Variants in GOLGB1 observed in about 807,000 individuals in gnomAD.
GOLGB1 encodes golgin subfamily B member 1.
In GOLGB1, 174 loss-of-function variants were observed where a neutral mutation model predicts 336.9. That is an observed-to-expected ratio of 0.52 (90% CI 0.46 to 0.59). The LOEUF is 0.59. Ranked by LOEUF, GOLGB1 falls within the 20% of genes least tolerant of loss-of-function variation. The pLI, the probability that GOLGB1 is intolerant of heterozygous loss-of-function variation, is 0.00. For synonymous variants in GOLGB1, 1,208 were observed against 1,289.2 expected (o/e 0.94, Z 1.35); for missense variants, 3,331 against 3,645.3 (o/e 0.91, Z 2.22).
At chr3:121,744,092 T>C (rs1576495034) in intron 1 of GOLGB1, among the ~76,000 whole-genome samples, 1 of 152,102 alleles carries the variant, frequency 6.6e-6, no homozygotes, top group Non-Finnish European at 1.5e-5. Flanking sequence ...TTGAATATCA[T>C]AGCAAATGAG....
Position 121,697,551 on chromosome 3 carries a change from T to G in GOLGB1, c.2972A>C (p.Lys991Thr). The G allele has an allele frequency of 6.2e-7, 1 of 1,613,822 alleles. No individual in the cohort carries two copies. The highest frequency in any genetic ancestry group is 1.1e-5 in the South Asian group (1 of 91,070). The part of the protein sequence containing the change: ...ELQHEFDLLK[K>T]ENEQRKRKLQ... ...CTTTCTCTTTCTCTGCTCATTTTCT[T>G]TCTTCAGAAGGTCAAATTCATGCTG... The change falls in exon 13 of 22, where the codon AAA (lysine) becomes ACA (threonine). Residue 991 changes from lysine (K) to threonine (T), a missense_variant. Lys to Thr is a moderately conservative substitution (Grantham distance 78). Coordinates refer to ENST00000614479, the MANE Select transcript of GOLGB1 (RefSeq NM_001366282.2).
At chr3:121,677,079 C>T (rs781103755) in intron 16 of GOLGB1, 49 bp from the exon 17 acceptor site, 3 of 1,606,976 alleles carry the variant, frequency 1.9e-6, no homozygotes, top group South Asian at 2.2e-5. Context: ...ATTGCGCATG[C>T]TTAATTCCTT....
At chr3:121,729,014 C>T in intron 4 of GOLGB1, 174 bp downstream of exon 4, 2 of 432,150 alleles carry the variant, frequency 4.6e-6, no homozygotes, top group Non-Finnish European at 8.2e-6. Flanking sequence ...TTTCATTCTC[C>T]CTGTGTGTGG....
At position 121,669,288 on chromosome 3, in the gene GOLGB1, C is replaced by A; in HGVS notation, c.9245G>T (p.Arg3082Leu). 4 of 1,613,878 alleles carry A rather than the reference C, an allele frequency of 2.5e-6. No individual in the cohort carries two copies. The highest frequency in any genetic ancestry group is 3.4e-6 in the Non-Finnish European group (4 of 1,179,758). Residue 3082 changes from arginine to leucine, a missense_variant, in exon 18 of 22, where the codon CGT becomes CTT. By Grantham distance (102) the Arg-to-Leu change is moderately radical. Coordinates refer to ENST00000614479, the MANE Select transcript of GOLGB1 (RefSeq NM_001366282.2). The stretch of plus-strand genomic sequence containing the variant: ...GTCACCATAGTGCTGCTGGTTCTCA[C>A]GAAGACTCTGACTGGTATCGCAGAG... ...IQLCDTSQSLRENQQHYGDLL... is the reference protein window; with the variant it reads ...IQLCDTSQSLLENQQHYGDLL...
chr3:121,703,114 G>T (rs1397921385), intron 10 of GOLGB1, among the ~76,000 whole-genome samples: 1 of 151,878 alleles, frequency 6.6e-6, no homozygotes, highest in East Asian at 1.9e-4. Context: ...CAGAATTTTT[G>T]GTTTTCCTAA....
intron 14 of GOLGB1, among the ~76,000 whole-genome samples, 188 bp from the exon 15 acceptor site, chr3:121,682,053 A>T (rs1020047496): frequency 4.6e-5 from 7 of 152,348 alleles, no homozygotes; most frequent in South Asian, 2.1e-4. Context: ...GGCTGGTGGA[A>T]ATCACCCATG....
At position 121,691,404 on chromosome 3, in the gene GOLGB1, A is replaced by C. The variant is rs1942401863; in HGVS notation, c.7960T>G (p.Ser2654Ala). The C allele has an allele frequency of 6.2e-7, 1 of 1,613,680 alleles. No homozygotes were observed. Residue 2654 changes from serine (S) to alanine (A), a missense_variant, in exon 14 of 22, where the codon TCC becomes GCC. Transcript: ENST00000614479. Reference sequence around the variant, plus strand: ...TCTGCAATTCTCTTTTGAGAGGAGGAAAACAAAGCACTTAACCTGTGTACC... The same window carrying C: ...TCTGCAATTCTCTTTTGAGAGGAGGCAAACAAAGCACTTAACCTGTGTACC... ...EEVHRLSALF[S>A]SSQKRIAELE...
At chr3:121,688,448 G>C (rs569249213) in intron 14 of GOLGB1, among the ~76,000 whole-genome samples, 1 of 152,256 alleles carries the variant, frequency 6.6e-6, no homozygotes, top group Non-Finnish European at 1.5e-5. Context: ...TCGGCCTCCC[G>C]AGGTGCCGGG....
At chr3:121,705,300 C>T (rs189516761) in intron 10 of GOLGB1, among the ~76,000 whole-genome samples, 2 of 152,240 alleles carry the variant, frequency 1.3e-5, no homozygotes, top group Admixed American at 6.5e-5. Context: ...TAAAAAGATA[C>T]AGCTCAATAC....
Position 121,691,469 on chromosome 3 carries a change from A to G in GOLGB1, c.7895T>C (p.Leu2632Ser), listed in dbSNP as rs779024078. ...QVTALQEEGT[L>S]GLYHAQLKVK... ...TTTTAACTGGGCATGATAGAGTCCTAAAGTACCTTCTTCTTGCAAGGCTGT... is the reference window on the plus strand; with the variant it reads ...TTTTAACTGGGCATGATAGAGTCCTGAAGTACCTTCTTCTTGCAAGGCTGT... Residue 2632 changes from leucine (L) to serine (S), a missense_variant, in exon 14 of 22, where the codon TTA (leucine) becomes TCA (serine). Coordinates refer to ENST00000614479, the MANE Select transcript of GOLGB1 (RefSeq NM_001366282.2). 8 of 1,613,534 alleles carry G rather than the reference A, an allele frequency of 5.0e-6. No individual in the cohort carries two copies. Among genetic ancestry groups the G allele is most frequent in the Non-Finnish European group, 8.5e-7 (1 of 1,179,922 alleles).
At position 121,695,100 on chromosome 3, in the gene GOLGB1, A is replaced by C. The variant is rs776086667; in HGVS notation, c.5423T>G (p.Leu1808Arg). ...IPGETEEQDS[L>R]SMSTRPTCSE... Reference sequence around the variant, plus strand: ...ACATGTAGGTCTTGTGCTCATACTCAGAGAGTCTTGCTCTTCAGTCTCACC... The same window carrying C: ...ACATGTAGGTCTTGTGCTCATACTCCGAGAGTCTTGCTCTTCAGTCTCACC... Residue 1808 changes from leucine to arginine, a missense_variant, in exon 13 of 22, where the codon CTG (leucine) becomes CGG (arginine). By Grantham distance (102) the Leu-to-Arg change is moderately radical. Transcript: ENST00000614479. 2.8e-5 allele frequency: 45 copies of C among 1,613,284 alleles called. No homozygotes were observed. The highest frequency in any genetic ancestry group is 3.8e-5 in the Non-Finnish European group (45 of 1,179,872).
In GOLGB1 at chr3:121,690,882, GTGAGGA is replaced by G; in HGVS notation, c.8476_8481del (p.Ser2826_Ser2827del). ...ACTTGGTTATAAGAATCTTCTAGTT[GTGAGGA>G]CAAGTGAAGCAATTGCTCATCTTTG... On this transcript the variant is annotated inframe_deletion, in exon 14 of 22. Transcript: ENST00000614479. 1 of 1,614,154 alleles carries G rather than the reference GTGAGGA, an allele frequency of 6.2e-7. No homozygotes were observed. Among genetic ancestry groups the G allele is most frequent in the Non-Finnish European group, 8.5e-7 (1 of 1,179,970 alleles).
intron 1 of GOLGB1, among the ~76,000 whole-genome samples, chr3:121,740,050 G>A (rs906346411): frequency 3.9e-5 from 6 of 152,166 alleles, no homozygotes; most frequent in Non-Finnish European, 7.3e-5. Context: ...GATTACCAGT[G>A]GTTAGAGAGG....
At chr3:121,727,320 ATTTTTTTTTTTT>A (rs869189384) in intron 4 of GOLGB1, among the ~76,000 whole-genome samples, 12 of 28,636 alleles carry the variant, frequency 4.2e-4, no homozygotes, top group Admixed American at 2.2e-3. Context: ...ATATATATAT[ATTTTTTTTTTTT>A]TTTTTTTTTT....
At chr3:121,711,325 A>C (rs570535192) in intron 10 of GOLGB1, among the ~76,000 whole-genome samples, 1 of 152,104 alleles carries the variant, frequency 6.6e-6, no homozygotes, top group Non-Finnish European at 1.5e-5. Context: ...AATTAAGAAA[A>C]AATTAAGAAA....
chr3:121,747,964 C>A (rs972280917), intron 1 of GOLGB1, among the ~76,000 whole-genome samples: 7 of 151,834 alleles, frequency 4.6e-5, no homozygotes, highest in South Asian at 2.1e-4. Context: ...CAGTGGTATT[C>A]CTAATAGTAA....
In GOLGB1 at chr3:121,710,762, C is replaced by G. The variant is rs1041547111; in HGVS notation, c.1404+4099G>C. On this transcript the variant is annotated intron_variant, in intron 10 of 21. Transcript: ENST00000614479. ...GTCCCAACTACTTAGGAGGCTGAGG[C>G]GGGAGGATCACTTAAGCCCAGGAGG... Among the ~76,000 whole-genome samples the G allele has an allele frequency of 3.3e-5, 5 of 151,886 alleles. No homozygotes were observed. The East Asian group carries it at 9.7e-4, about 29-fold the overall frequency.
intron 14 of GOLGB1, among the ~76,000 whole-genome samples, chr3:121,690,262 TA>T (rs1168732111): frequency 1.3e-5 from 2 of 152,208 alleles, no homozygotes; most frequent in Non-Finnish European, 2.9e-5. Context: ...TGCTAAATTG[TA>T]AACAAGACAC....
rs116295319 is a variant in GOLGB1, at chr3:121,696,681, G to A, written c.3842C>T (p.Thr1281Ile). ...PLFKATEQHHTQPVLESNLCP... is the reference protein window; with the variant it reads ...PLFKATEQHHIQPVLESNLCP... ...CAAGTTGGACTCTAAAACAGGTTGA[G>A]TGTGATGCTGTTCTGTGGCTTTGAA... The change falls in exon 13 of 22, where the codon ACT becomes ATT. Residue 1281 changes from threonine to isoleucine, a missense_variant. Thr to Ile is a moderately conservative substitution (Grantham distance 89). Coordinates refer to ENST00000614479, the MANE Select transcript of GOLGB1 (RefSeq NM_001366282.2). The A allele has an allele frequency of 4.0e-4, 651 of 1,614,096 alleles. 4 individuals carry two copies. The African/African-American group carries it at 8.1e-3, about 20-fold the overall frequency.
Sources: gnomAD v4.1 joint callset for allele counts (sites outside exome capture counted in the v4.1 genomes callset) on GRCh38, gnomAD v4.1.1 for gene constraint, MANE v1.5 for transcripts, NCBI Gene and HGNC (gene_info 2026-07-23, HGNC 2026-07-21) for gene names.